Variants in FRAS1 observed in about 807,000 individuals in gnomAD.
The protein encoded by FRAS1 is Fraser extracellular matrix complex subunit 1.
Under a neutral mutation model 435.2 loss-of-function variants are expected in FRAS1, and 290 were observed. That is an observed-to-expected ratio of 0.67 (90% CI 0.61 to 0.73). FRAS1 has a LOEUF of 0.73. FRAS1 is among the 30% of genes least tolerant of loss of function. The probability of loss-of-function intolerance (pLI) is 0.00; values close to 1 mark genes in which losing one functional copy is unlikely to be tolerated. For missense variants in FRAS1, 4,860 were observed against 5,001.5 expected (o/e 0.97, Z 0.85); for synonymous variants, 1,800 against 1,851.0 (o/e 0.97, Z 0.71).
chr4:78,122,306 T>C (rs1719077227), intron 2 of FRAS1, among the ~76,000 whole-genome samples: 1 of 152,222 alleles, frequency 6.6e-6, no homozygotes, highest in Admixed American at 6.5e-5. Flanking sequence ...GGACATTAAC[T>C]CATCCTTTTT....
chr4:78,530,807 G>C (rs1721687691), intron 70 of FRAS1, among the ~76,000 whole-genome samples: 1 of 152,172 alleles, frequency 6.6e-6, no homozygotes, highest in Non-Finnish European at 1.5e-5. Flanking sequence ...GCTTAGGATT[G>C]TCTTGGGTAT....
intron 2 of FRAS1, among the ~76,000 whole-genome samples, chr4:78,222,358 C>T (rs1002796227): frequency 9.2e-5 from 14 of 152,102 alleles, no homozygotes; most frequent in Non-Finnish European, 1.8e-4. Context: ...TTCATCTCAC[C>T]GATGAGCCCA....
intron 2 of FRAS1, among the ~76,000 whole-genome samples, chr4:78,077,197 A>AACACACACACACACACACACACACACAC (rs10535451): frequency 4.7e-5 from 7 of 150,050 alleles, no homozygotes; most frequent in Admixed American, 4.0e-4. Context: ...GACACACAGA[A>AACACACACACACACACACACACACACAC]ACACACACAC....
In FRAS1 at chr4:78,488,817, G is replaced by A; in HGVS notation, c.8753-58G>A. 4 of 1,505,464 alleles carry A rather than the reference G, an allele frequency of 2.7e-6. No individual in the cohort carries two copies. The South Asian group carries it at 4.9e-5, about 18-fold the overall frequency. The allele number at this position is 1,505,464 out of a possible 1,614,324, so 93.3% of individuals were successfully genotyped here. ...CTGCTGAAGGCTGACAAGGACCATG[G>A]CCACAGCTTCCCTGTCTTCCACTAA... On this transcript the variant is annotated intron_variant, in intron 58 of 73. Transcript: ENST00000512123.
chr4:78,187,500 G>A (rs1047594711), intron 2 of FRAS1, among the ~76,000 whole-genome samples: 1 of 152,180 alleles, frequency 6.6e-6, no homozygotes, highest in Non-Finnish European at 1.5e-5. Context: ...TGGGGGAGAA[G>A]TCAAGGAACT....
At chr4:78,258,399 C>T (rs77966943) in intron 6 of FRAS1, among the ~76,000 whole-genome samples, 2,146 of 150,710 alleles carry the variant, frequency 0.014, 58 homozygotes, top group African/African-American at 0.048. Flanking sequence ...TGAGCCTTTA[C>T]GCATTTGAGT....
chr4:78,411,143 C>T (rs1283015648), intron 31 of FRAS1, among the ~76,000 whole-genome samples: 1 of 144,328 alleles, frequency 6.9e-6, no homozygotes, highest in African/African-American at 2.6e-5. Flanking sequence ...CAGAGTTTCA[C>T]TCAGTTGCCC....
rs539559894 is a variant in FRAS1 at position 78,282,816 on chromosome 4, G to C, written c.1108-4G>C. On this transcript the variant is annotated splice_region_variant and splice_polypyrimidine_tract_variant and intron_variant, in intron 11 of 73. Coordinates refer to ENST00000512123, the MANE Select transcript of FRAS1 (RefSeq NM_025074.7). ...ACAATGCTGTTCTTCACTTTTTTGCGTAGGAGGGAGAGAAGTGGGAAGATG... is the reference window on the plus strand; with the variant it reads ...ACAATGCTGTTCTTCACTTTTTTGCCTAGGAGGGAGAGAAGTGGGAAGATG... 7 of 1,612,536 alleles carry C rather than the reference G, an allele frequency of 4.3e-6. No individual in the cohort carries two copies. Among genetic ancestry groups the C allele is most frequent in the African/African-American group, 2.7e-5 (2 of 74,792 alleles).
In FRAS1 at chr4:78,452,326, G is replaced by A. The variant is rs936732917; in HGVS notation, c.6735G>A (p.Leu2245=). ...ACAGAATCACCAGACAGCCCCAGCT[G>A]GGCCACTTGGAACATGCAGCATCAC... ...LIYRITRQPQ[L]GHLEHAASPG... Residue 2245 remains leucine, a synonymous_variant, in exon 47 of 74, where the codon CTG becomes CTA. Transcript: ENST00000512123. 2 of 1,607,448 alleles carry A rather than the reference G, an allele frequency of 1.2e-6. No homozygotes were observed. The highest frequency in any genetic ancestry group is 1.7e-6 in the Non-Finnish European group (2 of 1,178,270).
At position 78,473,591 on chromosome 4, in the gene FRAS1, A is replaced by AT; in HGVS notation, c.7677dup (p.Thr2560TyrfsTer7). On this transcript the variant is annotated frameshift_variant, in exon 53 of 74. Coordinates refer to ENST00000512123, the MANE Select transcript of FRAS1 (RefSeq NM_025074.7). LOFTEE classifies it high-confidence loss of function. Reference sequence around the variant, plus strand: ...CAGTGGTCACTCATCAGCTTTAAATATACCAGGTACAAGTTTTACTGTGCT... The same window carrying AT: ...CAGTGGTCACTCATCAGCTTTAAATATTACCAGGTACAAGTTTTACTGTGCT... 1 of 1,588,154 alleles carries AT rather than the reference A, an allele frequency of 6.3e-7. No homozygotes were observed. The highest frequency in any genetic ancestry group is 1.2e-5 in the South Asian group (1 of 85,834).
intron 61 of FRAS1, among the ~76,000 whole-genome samples, chr4:78,505,674 G>A (rs781108634): frequency 9.2e-5 from 14 of 152,062 alleles, no homozygotes; most frequent in Non-Finnish European, 1.6e-4. Flanking sequence ...GGGTTAGAAC[G>A]TGCTCCTTTA....
intron 14 of FRAS1, among the ~76,000 whole-genome samples, chr4:78,307,240 G>T (rs1026657338): frequency 6.6e-6 from 1 of 152,228 alleles, no homozygotes. Context: ...CTCAAGCTGC[G>T]TGCTGGGAGA....
chr4:78,190,982 G>A (rs1430054792), intron 2 of FRAS1, among the ~76,000 whole-genome samples: 1 of 152,208 alleles, frequency 6.6e-6, no homozygotes, highest in Admixed American at 6.5e-5. Flanking sequence ...TATAAGAAAA[G>A]GAAGAGAGAC....
At chr4:78,398,911 A>G (rs1407316140) in intron 29 of FRAS1, among the ~76,000 whole-genome samples, 32 of 152,090 alleles carry the variant, frequency 2.1e-4, no homozygotes, top group Admixed American at 2.1e-3. Context: ...TGAACCTGAG[A>G]GGCGGAGGTT....
At chr4:78,511,969 G>C (rs936231619) in intron 64 of FRAS1, among the ~76,000 whole-genome samples, 2 of 152,154 alleles carry the variant, frequency 1.3e-5, no homozygotes, top group African/African-American at 4.8e-5. Context: ...AAGATTATTA[G>C]CATTCACTCT....
chr4:78,228,226 G>C (rs374620134), intron 2 of FRAS1, among the ~76,000 whole-genome samples: 12 of 152,132 alleles, frequency 7.9e-5, no homozygotes, highest in African/African-American at 2.9e-4. Context: ...TCTGGGAGCT[G>C]AATTAATAGA....
At chr4:78,336,667 T>C (rs549454781) in intron 19 of FRAS1, among the ~76,000 whole-genome samples, 1 of 152,162 alleles carries the variant, frequency 6.6e-6, no homozygotes, top group Non-Finnish European at 1.5e-5. Flanking sequence ...AATAACTCCT[T>C]ATCTTCTCTT....
chr4:78,243,578 T>C (rs1370308763), intron 3 of FRAS1, among the ~76,000 whole-genome samples: 1 of 152,094 alleles, frequency 6.6e-6, no homozygotes, highest in Non-Finnish European at 1.5e-5. Flanking sequence ...AACTCAACTC[T>C]TTTATGTTCC....
In FRAS1 at chr4:78,451,857, A is replaced by T. The variant is rs752448803; in HGVS notation, c.6549A>T (p.Arg2183Ser). 4 of 1,613,036 alleles carry T rather than the reference A, an allele frequency of 2.5e-6. No homozygotes were observed. In the African/African-American group the frequency reaches 5.3e-5, roughly 22 times the overall value. ...KFDVVDGEGNRLIDKSFSISI... is the reference protein window; with the variant it reads ...KFDVVDGEGNSLIDKSFSISI... Reference sequence around the variant, plus strand: ...ATGTGGTTGATGGAGAAGGCAACAGATTGATTGACAAGTCATTTTCCATCA... The same window carrying T: ...ATGTGGTTGATGGAGAAGGCAACAGTTTGATTGACAAGTCATTTTCCATCA... The change falls in exon 46 of 74, where the codon AGA (arginine) becomes AGT (serine). Residue 2183 changes from arginine (R) to serine (S), a missense_variant. Arg to Ser is a moderately radical substitution (Grantham distance 110, BLOSUM62 -1). Transcript: ENST00000512123.
Sources: gnomAD v4.1 joint callset for allele counts (sites outside exome capture counted in the v4.1 genomes callset) on GRCh38, gnomAD v4.1.1 for gene constraint, MANE v1.5 for transcripts, NCBI Gene and HGNC (gene_info 2026-07-23, HGNC 2026-07-21) for gene names.